CACNA1E: variants seen among roughly 807,000 people sequenced by gnomAD.
CACNA1E encodes the protein calcium voltage-gated channel subunit alpha1 E, also known as voltage-dependent R-type calcium channel subunit alpha-1E.
CACNA1E carries 40 observed loss-of-function variants against 259.2 expected under a neutral mutation model. The observed-to-expected ratio is 0.15, with a 90% CI of 0.12 to 0.20. CACNA1E has a LOEUF of 0.20. Among genes scored for constraint, CACNA1E ranks in the 10% least tolerant of loss-of-function variants. CACNA1E has a pLI of 1.00. For missense variants in CACNA1E, 1,874 were observed against 3,040.1 expected (o/e 0.62, Z 9.02); for synonymous variants, 1,104 against 1,138.5 (o/e 0.97, Z 0.61).
At chr1:181,721,992 G>A (rs991783859) in intron 16 of CACNA1E, 117 bp downstream of exon 16, 5 of 697,776 alleles carry the variant, frequency 7.2e-6, no homozygotes, top group South Asian at 5.1e-5. Flanking sequence ...CGTGGACATT[G>A]TTTGGTGTAC....
chr1:181,647,998 C>T (rs975583638), intron 6 of CACNA1E, among the ~76,000 whole-genome samples: 2 of 152,174 alleles, frequency 1.3e-5, no homozygotes, highest in Non-Finnish European at 2.9e-5. Context: ...CAGTCATCTT[C>T]AAGAACCCCC....
At chr1:181,659,543 A>C (rs1024552478) in intron 7 of CACNA1E, among the ~76,000 whole-genome samples, 1 of 152,198 alleles carries the variant, frequency 6.6e-6, no homozygotes, top group African/African-American at 2.4e-5. Flanking sequence ...GAGCCATCCC[A>C]CTGTCTCCAT....
At chr1:181,399,585 C>T (rs373735381) in intron 1 of CACNA1E, among the ~76,000 whole-genome samples, 4 of 152,278 alleles carry the variant, frequency 2.6e-5, no homozygotes, top group Admixed American at 6.5e-5. Context: ...TCCCTGTCAA[C>T]GGAGGTGTTC....
At chr1:181,331,612 G>A (rs1651268437) in intron 1 of CACNA1E, among the ~76,000 whole-genome samples, 1 of 152,120 alleles carries the variant, frequency 6.6e-6, no homozygotes, top group Non-Finnish European at 1.5e-5. Context: ...AGTCTCCTTT[G>A]GAAACACCGT....
chr1:181,697,247 C>T (rs1322731411), intron 7 of CACNA1E, among the ~76,000 whole-genome samples: 1 of 152,250 alleles, frequency 6.6e-6, no homozygotes, highest in Non-Finnish European at 1.5e-5. Context: ...TCCTAAGGGC[C>T]TCAGGTGGCA....
intron 7 of CACNA1E, among the ~76,000 whole-genome samples, chr1:181,658,540 A>G (rs564893905): frequency 6.6e-5 from 10 of 152,214 alleles, no homozygotes; most frequent in Non-Finnish European, 1.3e-4. Flanking sequence ...AGCTGCCTAT[A>G]TCCTTCGATA....
At chr1:181,727,419 G>A (rs988117423) in intron 18 of CACNA1E, among the ~76,000 whole-genome samples, 1 of 152,224 alleles carries the variant, frequency 6.6e-6, no homozygotes, top group Non-Finnish European at 1.5e-5. Context: ...GAACAGAAAA[G>A]GGACCACTGC....
At chr1:181,682,059 A>G (rs1187240160) in intron 7 of CACNA1E, among the ~76,000 whole-genome samples, 1 of 152,178 alleles carries the variant, frequency 6.6e-6, no homozygotes, top group African/African-American at 2.4e-5. Context: ...AGAACTGGTC[A>G]TGTGGCCACA....
At chr1:181,471,694 A>G (rs1292514675) in intron 2 of CACNA1E, among the ~76,000 whole-genome samples, 2 of 152,250 alleles carry the variant, frequency 1.3e-5, no homozygotes, top group Non-Finnish European at 2.9e-5. Context: ...GGGGAAATAA[A>G]GGGCCGTGAA....
At chr1:181,759,325 A>C (rs1391591941) in intron 32 of CACNA1E, among the ~76,000 whole-genome samples, 1 of 152,032 alleles carries the variant, frequency 6.6e-6, no homozygotes, top group Admixed American at 6.5e-5. Context: ...CATGAAGAGT[A>C]ATTTCTGCCA....
At chr1:181,472,983 A>T (rs951974336) in intron 2 of CACNA1E, among the ~76,000 whole-genome samples, 2 of 152,198 alleles carry the variant, frequency 1.3e-5, no homozygotes, top group East Asian at 3.8e-4. Flanking sequence ...GAGGATTTAA[A>T]TTCGCTGAGT....
Position 181,771,331 on chromosome 1 carries a change from C to A in CACNA1E, c.4920C>A (p.Ile1640=). Residue 1640 remains isoleucine (I), a synonymous_variant, in exon 36 of 48, where the codon ATC becomes ATA. Coordinates refer to ENST00000367573, the MANE Select transcript of CACNA1E (RefSeq NM_001205293.3). ...TAAAATTAGACGAGGAGAGTCACAT[C>A]AACCGGCACAACAACTTCCGGAGTT... The part of the protein sequence containing the change: ...GNIKLDEESH[I]NRHNNFRSFF... The A allele has an allele frequency of 6.2e-7, 1 of 1,600,544 alleles. No homozygotes were observed. The highest frequency in any genetic ancestry group is 8.5e-7 in the Non-Finnish European group (1 of 1,171,678).
chr1:181,509,970 C>A (rs539679660), intron 1 of CACNA1E, among the ~76,000 whole-genome samples: 3 of 152,308 alleles, frequency 2.0e-5, no homozygotes, highest in East Asian at 3.9e-4. Context: ...CTCAGTGGTG[C>A]AGAGATTCTA....
rs1280783412 is a variant in CACNA1E at position 181,808,076 on chromosome 1, T to C, written c.*9242T>C. ...ACTATGAAACAGATATAAAGAAAAA[T>C]AGACACTGTTCTGAGTTTCTCTTGA... is the stretch of plus-strand genomic sequence containing the variant. On this transcript the variant is annotated 3_prime_UTR_variant, in exon 48 of 48. Coordinates refer to ENST00000367573, the MANE Select transcript of CACNA1E (RefSeq NM_001205293.3). 1 of 152,174 alleles carries C rather than the reference T, an allele frequency of 6.6e-6. No homozygotes were observed. The highest frequency in any genetic ancestry group is 2.4e-5 in the African/African-American group (1 of 41,438). The allele number at this position is 152,174 out of a possible 1,614,324, so 9.4% of individuals were successfully genotyped here.
chr1:181,555,877 C>T (rs1648665944), intron 3 of CACNA1E, among the ~76,000 whole-genome samples: 1 of 152,144 alleles, frequency 6.6e-6, no homozygotes, highest in African/African-American at 2.4e-5. Flanking sequence ...AGGCATGCAG[C>T]CTTTCTTAAG....
chr1:181,435,153 T>C (rs879540799), intron 2 of CACNA1E, among the ~76,000 whole-genome samples: 3 of 152,218 alleles, frequency 2.0e-5, no homozygotes, highest in Non-Finnish European at 2.9e-5. Context: ...CAGGAGTTTA[T>C]AGCAGATGCT....
At chr1:181,594,967 A>T (rs745898179) in intron 6 of CACNA1E, among the ~76,000 whole-genome samples, 1 of 152,246 alleles carries the variant, frequency 6.6e-6, no homozygotes, top group Admixed American at 6.5e-5. Context: ...GATTTACAAT[A>T]CAGGTTTTTC....
intron 2 of CACNA1E, among the ~76,000 whole-genome samples, chr1:181,465,802 C>A (rs895274598): frequency 4.6e-5 from 7 of 151,860 alleles, no homozygotes; most frequent in Non-Finnish European, 7.4e-5. Context: ...CTAACTTATC[C>A]TTATGCTGAT....
intron 30 of CACNA1E, 68 bp downstream of exon 30, chr1:181,757,194 A>C: frequency 1.8e-6 from 2 of 1,086,972 alleles, no homozygotes; most frequent in Non-Finnish European, 2.8e-6. Context: ...CCAGCAATGT[A>C]AGAAAGGAGG....
Sources: allele counts gnomAD v4.1 joint callset (sites outside exome capture counted in the v4.1 genomes callset), GRCh38; gene constraint gnomAD v4.1.1; transcripts MANE v1.5; gene names NCBI Gene and HGNC (gene_info 2026-07-23, HGNC 2026-07-21).